Variants in CACNA2D1 observed in about 807,000 individuals in gnomAD.
The protein encoded by CACNA2D1 is voltage-dependent calcium channel subunit alpha-2/delta-1.
CACNA2D1 carries 53 observed loss-of-function variants against 171.5 expected under a neutral mutation model. The ratio of observed to expected loss-of-function variants is 0.31; its 90% CI spans 0.25 to 0.39. The LOEUF (loss-of-function observed/expected upper bound fraction) is 0.39. Among genes scored for constraint, CACNA2D1 ranks in the 10% least tolerant of loss-of-function variants. CACNA2D1 has a pLI of 1.00. For synonymous variants in CACNA2D1, 442 were observed against 443.1 expected (o/e 1.00, Z 0.03); for missense variants, 903 against 1,299.8 (o/e 0.69, Z 4.69).
chr7:81,964,419 C>A lies in CACNA2D1; in HGVS notation c.2575-60G>T, dbSNP rs1303494881. On this transcript the variant is annotated intron_variant, in intron 32 of 38. Transcript: ENST00000356860. Reference sequence around the variant, plus strand: ...TTAAAATGTAAGCCAAAAATGAACACGGGAATCACCACTACAGTGAAAAGA... The same window carrying A: ...TTAAAATGTAAGCCAAAAATGAACAAGGGAATCACCACTACAGTGAAAAGA... 6 of 1,306,528 alleles carry A rather than the reference C, an allele frequency of 4.6e-6. No individual in the cohort carries two copies. The African/African-American group carries it at 8.8e-5, about 19-fold the overall frequency. 80.9% of individuals were successfully genotyped at this position (1,306,528 alleles called of 1,614,324 possible).
chr7:82,396,541 T>C (rs1825775865), intron 1 of CACNA2D1, among the ~76,000 whole-genome samples: 1 of 152,164 alleles, frequency 6.6e-6, no homozygotes, highest in South Asian at 2.1e-4. Flanking sequence ...ACACAATATA[T>C]GTCTGCCCTA....
At chr7:81,985,196 C>CT (rs774555240) in intron 21 of CACNA2D1, among the ~76,000 whole-genome samples, 19,713 of 104,116 alleles carry the variant, frequency 0.19, 3,222 homozygotes, top group African/African-American at 0.36. Flanking sequence ...ATTATCATTA[C>CT]TTTTTTTTTT....
chr7:82,422,583 G>A (rs745759716), intron 1 of CACNA2D1, among the ~76,000 whole-genome samples: 5 of 152,072 alleles, frequency 3.3e-5, no homozygotes, highest in Non-Finnish European at 7.4e-5. Flanking sequence ...GACCCCTCAA[G>A]AGAGTCTTGA....
At chr7:81,952,976 C>A (rs886850419) in intron 38 of CACNA2D1, among the ~76,000 whole-genome samples, 5 of 151,864 alleles carry the variant, frequency 3.3e-5, no homozygotes, top group African/African-American at 1.2e-4. Context: ...ATGATCTTGA[C>A]CTCCCTGGGC....
At chr7:82,019,145 C>A (rs910316050) in intron 12 of CACNA2D1, among the ~76,000 whole-genome samples, 44 of 151,800 alleles carry the variant, frequency 2.9e-4, no homozygotes, top group African/African-American at 9.2e-4. Flanking sequence ...CATGGTGAAA[C>A]CCCGTCTGTA....
intron 10 of CACNA2D1, among the ~76,000 whole-genome samples, chr7:82,054,796 T>C (rs1398262001): frequency 2.6e-5 from 4 of 152,206 alleles, no homozygotes; most frequent in African/African-American, 4.8e-5. Flanking sequence ...TCAGATGCTA[T>C]GGCAACACAA....
rs568779587 is a variant in CACNA2D1 at position 82,235,012 on chromosome 7, A to G, written c.295-64403T>C. Among the ~76,000 whole-genome samples the G allele has an allele frequency of 5.9e-5, 9 of 152,306 alleles. No homozygotes were observed. In the East Asian group the frequency reaches 1.5e-3, roughly 26 times the overall value. ...CTTGGGAAATAATAAATGCACCTCC[A>G]GTCTGTGCTAACCTGATGACCTGAG... On this transcript the variant is annotated intron_variant, in intron 3 of 38. Coordinates refer to ENST00000356860, the MANE Select transcript of CACNA2D1 (RefSeq NM_000722.4).
intron 3 of CACNA2D1, among the ~76,000 whole-genome samples, chr7:82,323,430 C>G (rs910667754): frequency 3.9e-5 from 6 of 152,234 alleles, no homozygotes; most frequent in Admixed American, 3.3e-4. Flanking sequence ...CTGAGAATCC[C>G]AAGTTCTGGT....
At chr7:82,355,377 G>A (rs1256618186) in intron 1 of CACNA2D1, among the ~76,000 whole-genome samples, 1 of 152,066 alleles carries the variant, frequency 6.6e-6, no homozygotes, top group African/African-American at 2.4e-5. Flanking sequence ...AATATGCAGT[G>A]GCAAGAACAC....
chr7:82,364,859 T>G (rs1336015196), intron 1 of CACNA2D1, among the ~76,000 whole-genome samples: 2 of 152,078 alleles, frequency 1.3e-5, no homozygotes, highest in East Asian at 3.9e-4. Context: ...GGGCAGACAA[T>G]AGGATTAATG....
intron 1 of CACNA2D1, among the ~76,000 whole-genome samples, chr7:82,429,103 C>A (rs1358077901): frequency 6.6e-6 from 1 of 152,176 alleles, no homozygotes; most frequent in Admixed American, 6.5e-5. Context: ...AATTTACAAT[C>A]TTTTCCATGG....
chr7:82,010,177 CCATTATATT>C (rs1462527923), intron 15 of CACNA2D1, among the ~76,000 whole-genome samples: 1 of 152,012 alleles, frequency 6.6e-6, no homozygotes, highest in Non-Finnish European at 1.5e-5. Flanking sequence ...CTCATTATAT[CCATTATATT>C]TCGTTTTGAA....
At chr7:82,390,143 T>C (rs1273298663) in intron 1 of CACNA2D1, among the ~76,000 whole-genome samples, 1 of 152,146 alleles carries the variant, frequency 6.6e-6, no homozygotes. Flanking sequence ...AGTAGAACAC[T>C]CTACTCAAAG....
chr7:82,338,096 T>C (rs1203619379), intron 2 of CACNA2D1, among the ~76,000 whole-genome samples: 1 of 152,190 alleles, frequency 6.6e-6, no homozygotes, highest in African/African-American at 2.4e-5. Context: ...ATATATGTTC[T>C]AAGTCACTTT....
In CACNA2D1 at chr7:82,199,574, C is replaced by A. The variant is rs1001689336; in HGVS notation, c.295-28965G>T. On this transcript the variant is annotated intron_variant, in intron 3 of 38. Transcript: ENST00000356860. ...GCTTCTGAACACTTCATCTTTAACCCTATTTACATTAGCAGAGAGAAATTA... is the reference window on the plus strand; with the variant it reads ...GCTTCTGAACACTTCATCTTTAACCATATTTACATTAGCAGAGAGAAATTA... 7.9e-5 allele frequency among the ~76,000 whole-genome samples: 12 copies of A among 152,084 alleles called. No individual in the cohort carries two copies. In the East Asian group the frequency reaches 2.3e-3, roughly 29 times the overall value.
rs3083235 is a variant in CACNA2D1 at position 81,974,555 on chromosome 7, G to GA, written c.1956-4dup. 2.8e-3 allele frequency: 3,770 copies of GA among 1,332,840 alleles called. 2 individuals carry two copies. The highest frequency in any genetic ancestry group is 4.6e-3 in the African/African-American group (313 of 67,506). 82.6% of individuals were successfully genotyped at this position (1,332,840 alleles called of 1,614,324 possible). Reference sequence around the variant, plus strand: ...TTTTCAGGTCATTGCAGTAATCTCTGAAAAAAAAACATTTTGAGATATTAG... The same window carrying GA: ...TTTTCAGGTCATTGCAGTAATCTCTGAAAAAAAAAACATTTTGAGATATTAG... On this transcript the variant is annotated splice_polypyrimidine_tract_variant and splice_region_variant and intron_variant, in intron 24 of 38. Coordinates refer to ENST00000356860, the MANE Select transcript of CACNA2D1 (RefSeq NM_000722.4).
chr7:82,227,238 G>A (rs1802458735), intron 3 of CACNA2D1, among the ~76,000 whole-genome samples: 1 of 152,142 alleles, frequency 6.6e-6, no homozygotes, highest in South Asian at 2.1e-4. Flanking sequence ...TCAAGGTTGG[G>A]AAGACTTGAA....
chr7:82,014,533 G>T, intron 12 of CACNA2D1, 54 bp from the exon 13 acceptor site: 1 of 957,874 alleles, frequency 1.0e-6, no homozygotes, highest in Non-Finnish European at 1.7e-6. Context: ...TTAATTCAAT[G>T]GCAAAATAAA....
intron 34 of CACNA2D1, 31 bp from the exon 35 acceptor site, chr7:81,962,526 A>G (rs780489493): frequency 1.4e-6 from 2 of 1,405,504 alleles, no homozygotes; most frequent in Admixed American, 3.8e-5. Context: ...AAAAATAAAC[A>G]TCTAGGGAAA....
Sources: allele counts gnomAD v4.1 joint callset (sites outside exome capture counted in the v4.1 genomes callset), GRCh38; gene constraint gnomAD v4.1.1; transcripts MANE v1.5; gene names NCBI Gene and HGNC (gene_info 2026-07-23, HGNC 2026-07-21).